The following WWOX variants were observed in gnomAD, a reference collection of about 807,000 sequenced individuals.
WWOX encodes WW domain containing oxidoreductase.
In WWOX, 69 loss-of-function variants were observed where a neutral mutation model predicts 46.2. The ratio of observed to expected loss-of-function variants is 1.49; its 90% CI spans 1.23 to 1.82. The LOEUF (loss-of-function observed/expected upper bound fraction) is 1.82, where lower values mean the gene tolerates loss of function less well. Among genes scored for constraint, WWOX ranks in the 40% most tolerant of loss-of-function variants. The pLI, the probability that WWOX is intolerant of heterozygous loss-of-function variation, is 0.00. For missense variants in WWOX, 919 were observed against 542.6 expected, an observed-to-expected ratio of 1.69 and a Z score of -6.89; for synonymous variants, 359 against 202.6, an observed-to-expected ratio of 1.77 and a Z score of -6.56.
chr16:78,799,741 A>G lies in WWOX; in HGVS notation c.1056+366989A>G, dbSNP rs574682700. The stretch of plus-strand genomic sequence containing the variant: ...AACCTTCTCTAAAGAAAGTACACAA[A>G]TGGAGAGAGGGGGAATTGGGCATGC... On this transcript the variant is annotated intron_variant, in intron 8 of 8. Coordinates refer to ENST00000566780, the MANE Select transcript of WWOX (RefSeq NM_016373.4). Among the ~76,000 whole-genome samples the G allele has an allele frequency of 3.3e-5, 5 of 152,304 alleles. No homozygotes were observed. The South Asian group carries it at 1.0e-3, about 32-fold the overall frequency.
intron 5 of WWOX, among the ~76,000 whole-genome samples, chr16:78,227,577 C>T (rs548492858): frequency 6.6e-6 from 1 of 152,080 alleles, no homozygotes; most frequent in Admixed American, 6.6e-5. Flanking sequence ...AGAAGTTGTT[C>T]AGGTAGAAAC....
intron 5 of WWOX, among the ~76,000 whole-genome samples, chr16:78,318,735 T>C (rs1209748287): frequency 6.6e-6 from 1 of 152,184 alleles, no homozygotes. Flanking sequence ...TTTTAAAAAT[T>C]ATTTTAACAC....
At chr16:78,959,049 A>G (rs1215100203) in intron 8 of WWOX, among the ~76,000 whole-genome samples, 1 of 152,202 alleles carries the variant, frequency 6.6e-6, no homozygotes, top group Non-Finnish European at 1.5e-5. Flanking sequence ...AAATAATGTA[A>G]TGTTTTTAAA....
At chr16:78,124,464 T>C (rs1400019225) in intron 4 of WWOX, 2 of 152,188 alleles carry the variant, frequency 1.3e-5, no homozygotes, top group Non-Finnish European at 2.9e-5. Context: ...TGAGTAGATA[T>C]GAATCCTCAG....
At chr16:78,512,017 C>T (rs1454951288) in intron 8 of WWOX, among the ~76,000 whole-genome samples, 1 of 152,296 alleles carries the variant, frequency 6.6e-6, no homozygotes. Flanking sequence ...ACTTGCTGGG[C>T]ATCAGAAATA....
intron 5 of WWOX, among the ~76,000 whole-genome samples, chr16:78,287,371 T>TCAA (rs1390274960): frequency 6.6e-6 from 1 of 152,162 alleles, no homozygotes; most frequent in East Asian, 1.9e-4. Context: ...TAACTAGACA[T>TCAA]CAACCTGGTT....
chr16:79,032,295 A>C (rs552144680), intron 8 of WWOX, among the ~76,000 whole-genome samples: 1 of 146,202 alleles, frequency 6.8e-6, no homozygotes, highest in African/African-American at 2.5e-5. Flanking sequence ...AATAGACTCT[A>C]TAATGTAGAC....
chr16:78,773,122 A>C (rs1042796143), intron 8 of WWOX, among the ~76,000 whole-genome samples: 9 of 152,234 alleles, frequency 5.9e-5, no homozygotes, highest in African/African-American at 1.9e-4. Context: ...GCTAGATTGT[A>C]AGCTTCATGA....
intron 8 of WWOX, among the ~76,000 whole-genome samples, chr16:78,477,230 A>G (rs2084372410): frequency 6.6e-6 from 1 of 152,194 alleles, no homozygotes; most frequent in Non-Finnish European, 1.5e-5. Context: ...TCAAAAATGT[A>G]TTTAAGGGGA....
intron 6 of WWOX, among the ~76,000 whole-genome samples, chr16:78,403,412 G>A (rs886209874): frequency 2.0e-5 from 3 of 152,170 alleles, no homozygotes; most frequent in Non-Finnish European, 2.9e-5. Context: ...CAGAATTTAT[G>A]CATCCATGAT....
chr16:78,374,635 G>T (rs1056667182), intron 5 of WWOX, among the ~76,000 whole-genome samples: 12 of 140,962 alleles, frequency 8.5e-5, no homozygotes, highest in Non-Finnish European at 1.5e-4. Flanking sequence ...TGCAAGCTCC[G>T]CCTCCTCGGT....
At chr16:78,472,261 C>G (rs1301064123) in intron 8 of WWOX, among the ~76,000 whole-genome samples, 2 of 152,126 alleles carry the variant, frequency 1.3e-5, no homozygotes, top group Non-Finnish European at 2.9e-5. Flanking sequence ...GATGGAATGA[C>G]TAACGAGGAT....
chr16:78,430,988 C>T lies in WWOX; in HGVS notation c.792-1500C>T, dbSNP rs372274931. 7.2e-5 allele frequency among the ~76,000 whole-genome samples: 11 copies of T among 152,216 alleles called. No homozygotes were observed. In the South Asian group the frequency reaches 2.1e-3, roughly 29 times the overall value. On this transcript the variant is annotated intron_variant, in intron 7 of 8. Coordinates refer to ENST00000566780, the MANE Select transcript of WWOX (RefSeq NM_016373.4). The stretch of plus-strand genomic sequence containing the variant: ...TCCATAGCAGTTATCTAGAGGATTC[C>T]CATTATGCTTCTTCATTACCCGGTG...
intron 5 of WWOX, among the ~76,000 whole-genome samples, chr16:78,222,792 T>G (rs1293519625): frequency 6.6e-6 from 1 of 152,212 alleles, no homozygotes; most frequent in Non-Finnish European, 1.5e-5. Context: ...TGACATCTAT[T>G]TCAAGTATTT....
chr16:78,842,264 C>T (rs543215658), intron 8 of WWOX, among the ~76,000 whole-genome samples: 42 of 149,644 alleles, frequency 2.8e-4, no homozygotes, highest in African/African-American at 1.0e-3. Context: ...GAAGCTGAGG[C>T]AGGAGGATTG....
At chr16:78,353,475 ATGTTCAATACGTAGCACCTTTC>A (rs1324740237) in intron 5 of WWOX, among the ~76,000 whole-genome samples, 5 of 152,204 alleles carry the variant, frequency 3.3e-5, no homozygotes, top group Non-Finnish European at 7.3e-5. Flanking sequence ...CCACTGTAAG[ATGTTCAATACGTAGCACCTTTC>A]TGTCCCTTCT....
At chr16:79,072,931 T>C (rs138430697) in intron 8 of WWOX, among the ~76,000 whole-genome samples, 1 of 152,276 alleles carries the variant, frequency 6.6e-6, no homozygotes, top group East Asian at 1.9e-4. Context: ...TAAGTGGAAG[T>C]GTTTTCCCCA....
At chr16:78,737,225 G>A (rs942787986) in intron 8 of WWOX, among the ~76,000 whole-genome samples, 4 of 151,666 alleles carry the variant, frequency 2.6e-5, no homozygotes, top group African/African-American at 9.7e-5. Flanking sequence ...TCAGCCTTCT[G>A]AGTAGCTGGA....
intron 6 of WWOX, among the ~76,000 whole-genome samples, chr16:78,405,320 T>TA (rs905840873): frequency 1.9e-4 from 29 of 151,790 alleles, no homozygotes; most frequent in Admixed American, 6.6e-4. Flanking sequence ...CCAACTGAAA[T>TA]AAAAAAAAAT....
Sources: gnomAD v4.1 joint callset for allele counts (sites outside exome capture counted in the v4.1 genomes callset) on GRCh38, gnomAD v4.1.1 for gene constraint, MANE v1.5 for transcripts, NCBI Gene and HGNC (gene_info 2026-07-23, HGNC 2026-07-21) for gene names.